The following MYO1E variants were observed in gnomAD, a reference collection of about 807,000 sequenced individuals.
MYO1E encodes the protein unconventional myosin-Ie.
Under a neutral mutation model 151.1 loss-of-function variants are expected in MYO1E, and 68 were observed. That is an observed-to-expected ratio of 0.45 (90% CI 0.37 to 0.55). The LOEUF is 0.55. Ranked by LOEUF, MYO1E falls within the 20% of genes least tolerant of loss-of-function variation. MYO1E has a pLI of 0.00. For missense variants in MYO1E, 1,363 were observed against 1,389.3 expected (o/e 0.98, Z 0.30); for synonymous variants, 601 against 501.7 (o/e 1.20, Z -2.64).
At chr15:59,281,025 G>C (rs1379615895) in intron 1 of MYO1E, among the ~76,000 whole-genome samples, 3 of 152,082 alleles carry the variant, frequency 2.0e-5, no homozygotes, top group Non-Finnish European at 2.9e-5. Context: ...CAAGGGTCCT[G>C]GATGACAAGC....
chr15:59,259,653 T>C (rs16941215), intron 3 of MYO1E, among the ~76,000 whole-genome samples: 1,658 of 152,308 alleles, frequency 0.011, 33 homozygotes, highest in African/African-American at 0.038. Context: ...AAAAGCAAGC[T>C]ATGGGCAGTG....
intron 1 of MYO1E, among the ~76,000 whole-genome samples, chr15:59,290,528 G>A (rs1430302875): frequency 1.3e-5 from 2 of 152,138 alleles, no homozygotes; most frequent in South Asian, 2.1e-4. Flanking sequence ...AGCATGCCTC[G>A]TAGCCAGCTT....
At chr15:59,241,364 AG>A (rs1351571644) in intron 4 of MYO1E, among the ~76,000 whole-genome samples, 2 of 152,216 alleles carry the variant, frequency 1.3e-5, no homozygotes, top group African/African-American at 4.8e-5. Flanking sequence ...AAAACACAAA[AG>A]AAACAACAAC....
chr15:59,160,697 G>A (rs145273949), intron 24 of MYO1E, among the ~76,000 whole-genome samples: 1,540 of 152,180 alleles, frequency 0.01, 9 homozygotes, highest in Non-Finnish European at 0.017. Context: ...GGGATTATAG[G>A]TGTGAGCCAC....
intron 1 of MYO1E, among the ~76,000 whole-genome samples, chr15:59,314,776 A>G (rs2080575680): frequency 6.6e-6 from 1 of 152,272 alleles, no homozygotes; most frequent in South Asian, 2.1e-4. Context: ...ACAAACCTCC[A>G]CAACAAATAA....
chr15:59,178,358 G>A, intron 19 of MYO1E, 35 bp downstream of exon 19: 4 of 1,612,740 alleles, frequency 2.5e-6, no homozygotes, highest in Non-Finnish European at 3.4e-6. Context: ...GGCCCCGCGG[G>A]AGGGAAGAGA....
chr15:59,209,826 T>C (rs1296954611), intron 13 of MYO1E, among the ~76,000 whole-genome samples: 2 of 101,194 alleles, frequency 2.0e-5, no homozygotes, highest in African/African-American at 3.9e-5. Context: ...TTTTTTTTTT[T>C]TTTTTTTTTT....
chr15:59,326,226 T>G (rs565100219), intron 1 of MYO1E, among the ~76,000 whole-genome samples: 10 of 151,280 alleles, frequency 6.6e-5, no homozygotes, highest in African/African-American at 2.4e-4. Context: ...AAGCGCACAG[T>G]AGAATTGGGT....
intron 1 of MYO1E, among the ~76,000 whole-genome samples, chr15:59,334,086 G>A (rs1190994214): frequency 3.3e-5 from 5 of 152,132 alleles, no homozygotes; most frequent in African/African-American, 9.7e-5. Context: ...CTTGAGACCC[G>A]GCTGGGCAAC....
At chr15:59,351,403 A>G (rs2080822412) in intron 1 of MYO1E, among the ~76,000 whole-genome samples, 1 of 152,258 alleles carries the variant, frequency 6.6e-6, no homozygotes, top group Admixed American at 6.5e-5. Flanking sequence ...GGAACAAGGC[A>G]TGTAGGCTGC....
intron 6 of MYO1E, 51 bp from the exon 7 acceptor site, chr15:59,227,641 G>A (rs2080000231): frequency 6.2e-7 from 1 of 1,602,936 alleles, no homozygotes; most frequent in Non-Finnish European, 8.5e-7. Context: ...AAAACATGAT[G>A]TCCCAAACAG....
chr15:59,149,053 T>TG (rs2079459772), intron 26 of MYO1E, among the ~76,000 whole-genome samples: 1 of 7,646 alleles, frequency 1.3e-4, no homozygotes, highest in Non-Finnish European at 4.7e-4. Context: ...TTTTTTTTTG[T>TG]TTTTTTTTTT....
At chr15:59,142,255 C>G (rs558210190) in intron 26 of MYO1E, among the ~76,000 whole-genome samples, 3 of 152,188 alleles carry the variant, frequency 2.0e-5, no homozygotes, top group Non-Finnish European at 4.4e-5. Context: ...CCCACAGATG[C>G]TAATTTGTCC....
intron 1 of MYO1E, among the ~76,000 whole-genome samples, chr15:59,346,007 T>C (rs1361057933): frequency 1.3e-5 from 2 of 152,250 alleles, no homozygotes; most frequent in Non-Finnish European, 2.9e-5. Context: ...TGAGTGAATA[T>C]CACTTTATAG....
At chr15:59,194,186 A>AG in intron 17 of MYO1E, among the ~76,000 whole-genome samples, 1 of 152,226 alleles carries the variant, frequency 6.6e-6, no homozygotes, top group East Asian at 1.9e-4. Flanking sequence ...AAAAAAAAAA[A>AG]AAATCCTTAA....
chr15:59,299,997 C>T (rs1180493274), intron 1 of MYO1E, among the ~76,000 whole-genome samples: 1 of 152,176 alleles, frequency 6.6e-6, no homozygotes, highest in Non-Finnish European at 1.5e-5. Flanking sequence ...AATATCCTAA[C>T]TGGAACCCCT....
intron 26 of MYO1E, among the ~76,000 whole-genome samples, chr15:59,140,551 G>A (rs117234380): frequency 1.3e-5 from 2 of 152,202 alleles, no homozygotes; most frequent in Admixed American, 1.3e-4. Flanking sequence ...TGTTAGGTCT[G>A]TGCACATCAT....
intron 16 of MYO1E, 63 bp from the exon 17 acceptor site, chr15:59,195,630 G>T: frequency 7.1e-7 from 1 of 1,410,926 alleles, no homozygotes; most frequent in South Asian, 1.2e-5. Context: ...AATTTCAAAG[G>T]AGACTTGTAA....
At chr15:59,139,266 AC>A (rs151103673) in intron 26 of MYO1E, among the ~76,000 whole-genome samples, 2 of 37,218 alleles carry the variant, frequency 5.4e-5, no homozygotes, top group Non-Finnish European at 1.7e-4. Context: ...CTTCCCTCCC[AC>A]CCCCTCATTA....
Sources: gnomAD v4.1 joint callset for allele counts (sites outside exome capture counted in the v4.1 genomes callset) on GRCh38, gnomAD v4.1.1 for gene constraint, MANE v1.5 for transcripts, NCBI Gene and HGNC (gene_info 2026-07-23, HGNC 2026-07-21) for gene names.